The following C14orf39 variants were observed in gnomAD, a reference collection of about 807,000 sequenced individuals.
C14orf39 encodes the protein protein SIX6OS1.
In C14orf39, 66 loss-of-function variants were observed where a neutral mutation model predicts 85.6. That is an observed-to-expected ratio of 0.77 (90% CI 0.63 to 0.95). C14orf39 has a LOEUF of 0.95. Among genes scored for constraint, C14orf39 ranks in the 40% least tolerant of loss-of-function variants. The pLI is 0.00. For missense variants in C14orf39, 735 were observed against 663.9 expected (o/e 1.11, Z -1.18); for synonymous variants, 242 against 214.0 (o/e 1.13, Z -1.14).
At chr14:60,493,693 G>A (rs1893026243) in intron 2 of C14orf39, 1 of 152,156 alleles carries the variant, frequency 6.6e-6, no homozygotes, top group Admixed American at 6.5e-5. Flanking sequence ...TTGTAGGACT[G>A]CCTGAGGTTT....
chr14:60,472,837 C>T (rs370990612), intron 5 of C14orf39, among the ~76,000 whole-genome samples: 3 of 152,248 alleles, frequency 2.0e-5, no homozygotes, highest in East Asian at 3.9e-4. Context: ...CAAGTCTTTG[C>T]TATTGTGAAT....
chr14:60,501,368 TCACATCCA>T (rs968361548), intron 1 of C14orf39, among the ~76,000 whole-genome samples: 14 of 150,796 alleles, frequency 9.3e-5, no homozygotes, highest in Admixed American at 3.3e-4. Flanking sequence ...GAAAGAGTTT[TCACATCCA>T]CACATCCACA....
upstream of C14orf39, among the ~76,000 whole-genome samples, chr14:60,486,459 T>C (rs1317190305): frequency 6.6e-6 from 1 of 152,236 alleles, no homozygotes; most frequent in Non-Finnish European, 1.5e-5. Flanking sequence ...TCAGCATTTT[T>C]CAAAACATCT....
intron 7 of C14orf39, among the ~76,000 whole-genome samples, chr14:60,470,479 C>A (rs1176147009): frequency 6.6e-6 from 1 of 151,704 alleles, no homozygotes; most frequent in Non-Finnish European, 1.5e-5. Context: ...ATGTTAGGTA[C>A]AGATAATTAA....
chr14:60,454,255 T>G (rs1016024207), intron 16 of C14orf39, among the ~76,000 whole-genome samples: 19 of 152,076 alleles, frequency 1.2e-4, no homozygotes, highest in Admixed American at 4.6e-4. Context: ...TGTAATTAAC[T>G]TAAATGAGCA....
Position 60,436,974 on chromosome 14 carries a change from T to A in C14orf39, c.1635A>T (p.Thr545=). The part of the protein sequence containing the change: ...FSFPSDTSTH[T]FGAGKDDFSF... ...TAAAATCATCTTTTCCAGCTCCAAA[T>A]GTATGAGTTGAAGTGTCTGATGGAA... is the stretch of plus-strand genomic sequence containing the variant. Residue 545 remains threonine, a synonymous_variant, in exon 18 of 18, where the codon ACA becomes ACT. Transcript: ENST00000321731. 1.2e-6 allele frequency: 2 copies of A among 1,613,124 alleles called. No homozygotes were observed. Among genetic ancestry groups the A allele is most frequent in the Non-Finnish European group, 1.7e-6 (2 of 1,179,406 alleles).
At chr14:60,498,328 A>T (rs1166912062) in intron 2 of C14orf39, among the ~76,000 whole-genome samples, 4 of 152,366 alleles carry the variant, frequency 2.6e-5, no homozygotes, top group South Asian at 4.1e-4. Flanking sequence ...TTAAGCACAG[A>T]CATTTCTCAT....
intron 17 of C14orf39, among the ~76,000 whole-genome samples, chr14:60,439,418 T>C (rs963169442): frequency 6.6e-6 from 1 of 152,146 alleles, no homozygotes; most frequent in Non-Finnish European, 1.5e-5. Flanking sequence ...TGAAATATAA[T>C]GGTTTCAATG....
intron 11 of C14orf39, 71 bp downstream of exon 11, chr14:60,465,908 G>T: frequency 2.2e-5 from 15 of 690,436 alleles, no homozygotes; most frequent in Non-Finnish European, 3.5e-5. Flanking sequence ...GTGTCTTAAG[G>T]GCAGTACATT....
chr14:60,503,933 G>A (rs186757059), intron 1 of C14orf39, among the ~76,000 whole-genome samples: 23 of 152,092 alleles, frequency 1.5e-4, no homozygotes, highest in Admixed American at 1.5e-3. Context: ...GATCATTTGG[G>A]GCAAGATCCT....
intron 11 of C14orf39, among the ~76,000 whole-genome samples, chr14:60,463,856 T>C (rs1250919730): frequency 1.3e-5 from 2 of 152,182 alleles, no homozygotes; most frequent in African/African-American, 2.4e-5. Flanking sequence ...CAAAGTTTGC[T>C]AATTGTGCTA....
rs547817431 is a variant in C14orf39 at position 60,456,345 on chromosome 14, C to T, written c.1358+572G>A. On this transcript the variant is annotated intron_variant, in intron 15 of 17. Coordinates refer to ENST00000321731, the MANE Select transcript of C14orf39 (RefSeq NM_174978.3). ...GCAAGTCTTGCTTCAGACACTACAA[C>T]ATATGAAGAAATGACTGATGGAATA... is the stretch of plus-strand genomic sequence containing the variant. 3.3e-5 allele frequency among the ~76,000 whole-genome samples: 5 copies of T among 151,754 alleles called. No individual in the cohort carries two copies. The South Asian group carries it at 1.0e-3, about 32-fold the overall frequency.
At chr14:60,511,631 GT>G (rs201479257) in intron 1 of C14orf39, 54 of 369,956 alleles carry the variant, frequency 1.5e-4, no homozygotes, top group East Asian at 1.9e-4. Context: ...TCGCTTTAAA[GT>G]TTTTTTTTAA....
At chr14:60,446,854 A>G (rs1384429174) in intron 16 of C14orf39, among the ~76,000 whole-genome samples, 3 of 152,232 alleles carry the variant, frequency 2.0e-5, no homozygotes, top group African/African-American at 7.2e-5. Flanking sequence ...ATCCACCACA[A>G]TAAAGTTGGC....
At chr14:60,462,827 G>C (rs893155332) in intron 11 of C14orf39, among the ~76,000 whole-genome samples, 13 of 151,954 alleles carry the variant, frequency 8.6e-5, no homozygotes, top group Admixed American at 8.5e-4. Context: ...TATCGTTAGT[G>C]TTAGTGTATT....
chr14:60,511,384 C>G, intron 1 of C14orf39: 2 of 1,152,072 alleles, frequency 1.7e-6, no homozygotes, highest in Non-Finnish European at 2.5e-6. Flanking sequence ...CCCGCGGGCT[C>G]GGGTTGCCGT....
chr14:60,471,806 G>T, intron 5 of C14orf39, 67 bp from the exon 6 acceptor site: 1 of 895,200 alleles, frequency 1.1e-6, no homozygotes, highest in Non-Finnish European at 1.7e-6. Context: ...TGAATACACT[G>T]TTAAAGTCTA....
intron 16 of C14orf39, among the ~76,000 whole-genome samples, chr14:60,451,822 A>G (rs1248993315): frequency 6.6e-6 from 1 of 152,158 alleles, no homozygotes; most frequent in Non-Finnish European, 1.5e-5. Flanking sequence ...TGTACCCTAG[A>G]ACTTAAAGTA....
intron 7 of C14orf39, among the ~76,000 whole-genome samples, 190 bp downstream of exon 7, chr14:60,471,227 T>A (rs1177141494): frequency 6.6e-6 from 1 of 152,014 alleles, no homozygotes; most frequent in Admixed American, 6.6e-5. Flanking sequence ...CTCACCAAAG[T>A]TGCTTGCTTC....
Sources: allele counts gnomAD v4.1 joint callset (sites outside exome capture counted in the v4.1 genomes callset), GRCh38; gene constraint gnomAD v4.1.1; transcripts MANE v1.5; gene names NCBI Gene and HGNC (gene_info 2026-07-23, HGNC 2026-07-21).